AMBRA1: variants seen among roughly 807,000 people sequenced by gnomAD.
AMBRA1 encodes the protein autophagy and beclin 1 regulator 1, also known as activating molecule in BECN1-regulated autophagy protein 1.
A neutral mutation model predicts 125.4 loss-of-function variants in AMBRA1; 47 were observed. That is an observed-to-expected ratio of 0.37 (90% confidence interval 0.30 to 0.48). The LOEUF (loss-of-function observed/expected upper bound fraction) is 0.48, where lower values mean the gene tolerates loss of function less well. AMBRA1 is among the 20% of genes least tolerant of loss of function. AMBRA1 has a pLI of 0.99. For missense variants in AMBRA1, 1,331 were observed against 1,693.4 expected (o/e 0.79, Z 3.76); for synonymous variants, 626 against 655.5 (o/e 0.95, Z 0.69).
At chr11:46,538,111 G>T (rs921744132) in intron 7 of AMBRA1, among the ~76,000 whole-genome samples, 4 of 152,188 alleles carry the variant, frequency 2.6e-5, no homozygotes, top group Non-Finnish European at 5.9e-5. Context: ...GCACCTGTTT[G>T]TCTTAGTGAT....
At chr11:46,549,383 C>T (rs1373625536) in intron 1 of AMBRA1, among the ~76,000 whole-genome samples, 4 of 152,148 alleles carry the variant, frequency 2.6e-5, no homozygotes, top group Non-Finnish European at 4.4e-5. Context: ...AATAAACATA[C>T]ACTATTCTCC....
chr11:46,585,684 AAAAAAAAAAAAAT>A (rs2044351520), intron 1 of AMBRA1, among the ~76,000 whole-genome samples: 2 of 62,684 alleles, frequency 3.2e-5, no homozygotes, highest in Non-Finnish European at 6.9e-5. Flanking sequence ...AAAAAAAAAA[AAAAAAAAAAAAAT>A]ATATATATAT....
intron 11 of AMBRA1, among the ~76,000 whole-genome samples, chr11:46,491,671 G>A (rs1460634003): frequency 2.0e-5 from 3 of 152,194 alleles, no homozygotes; most frequent in Admixed American, 6.5e-5. Flanking sequence ...TCTAACTCAA[G>A]AGTGAGGTTC....
chr11:46,483,020 G>GA (rs374623134), intron 11 of AMBRA1, among the ~76,000 whole-genome samples: 20,740 of 133,788 alleles, frequency 0.16, 1,524 homozygotes, highest in Non-Finnish European at 0.18. Context: ...AAAAAAAAAA[G>GA]AAAAAAAAAA....
rs558423883 is a variant in AMBRA1, at chr11:46,428,886, T to C, written c.2976+4588A>G. ...CTACGGCGTAGGATGGCAGGCACAA[T>C]CTCTGGGGGCAGATGAAGGTAATCA... On this transcript the variant is annotated intron_variant, in intron 14 of 17. Transcript: ENST00000683756. 4.2e-3 allele frequency: 6,850 copies of C among 1,611,800 alleles called. 60 individuals are homozygous for C. The highest frequency in any genetic ancestry group is 0.016 in the South Asian group (1,474 of 90,996).
chr11:46,510,418 T>C (rs998155431), intron 8 of AMBRA1, among the ~76,000 whole-genome samples: 4 of 152,206 alleles, frequency 2.6e-5, no homozygotes, highest in Non-Finnish European at 4.4e-5. Context: ...TCAAGCATCA[T>C]TGGTTAAATT....
intron 17 of AMBRA1, among the ~76,000 whole-genome samples, chr11:46,400,412 A>AAG (rs979184050): frequency 2.7e-5 from 4 of 148,240 alleles, no homozygotes; most frequent in African/African-American, 7.5e-5. Context: ...CTAAGGCCCC[A>AAG]AGAGATCTCT....
intron 14 of AMBRA1, among the ~76,000 whole-genome samples, chr11:46,421,969 GTTTC>G (rs1169141009): frequency 2.6e-5 from 4 of 152,114 alleles, no homozygotes; most frequent in African/African-American, 7.2e-5. Context: ...TCAAGTAAAG[GTTTC>G]TTTAATACTA....
chr11:46,548,551 T>TG, intron 1 of AMBRA1, 51 bp from the exon 2 acceptor site: 1 of 714,162 alleles, frequency 1.4e-6, no homozygotes, highest in Non-Finnish European at 2.2e-6. Context: ...ACGAGAAGCT[T>TG]CTAATTGCAA....
intron 7 of AMBRA1, among the ~76,000 whole-genome samples, chr11:46,520,027 T>C (rs905893486): frequency 6.6e-6 from 1 of 151,620 alleles, no homozygotes; most frequent in Non-Finnish European, 1.5e-5. Context: ...TAATCCCAGC[T>C]ACTCAGGTGG....
chr11:46,490,532 T>C (rs548774968), intron 11 of AMBRA1, among the ~76,000 whole-genome samples: 117 of 152,300 alleles, frequency 7.7e-4, no homozygotes, highest in Non-Finnish European at 1.1e-3. Flanking sequence ...GATCTTGATT[T>C]TCCGCAAACC....
At chr11:46,433,668 T>C (rs1426121651) in intron 13 of AMBRA1, 40 bp from the exon 14 acceptor site, 1 of 1,594,876 alleles carries the variant, frequency 6.3e-7, no homozygotes, top group Non-Finnish European at 8.6e-7. Context: ...CCTAGGCTTC[T>C]GGCCATTCCA....
chr11:46,509,566 T>C (rs1951183216), intron 8 of AMBRA1, among the ~76,000 whole-genome samples: 3 of 152,036 alleles, frequency 2.0e-5, no homozygotes, highest in Admixed American at 1.3e-4. Flanking sequence ...CAGCAACAAA[T>C]TAAATAAATT....
At chr11:46,496,176 C>A (rs1468478984) in intron 9 of AMBRA1, among the ~76,000 whole-genome samples, 1 of 151,980 alleles carries the variant, frequency 6.6e-6, no homozygotes, top group Non-Finnish European at 1.5e-5. Context: ...GAGTTCGAGA[C>A]CAGCCTGGCC....
intron 9 of AMBRA1, among the ~76,000 whole-genome samples, chr11:46,499,363 C>G (rs1030884100): frequency 6.6e-6 from 1 of 152,170 alleles, no homozygotes; most frequent in Non-Finnish European, 1.5e-5. Context: ...GTTCCATTTT[C>G]TTTCTCTTCT....
chr11:46,501,230 G>A (rs1279527826), intron 9 of AMBRA1, among the ~76,000 whole-genome samples: 1 of 152,236 alleles, frequency 6.6e-6, no homozygotes, highest in African/African-American at 2.4e-5. Flanking sequence ...CACTGTCTGA[G>A]TTTGCACACT....
At position 46,581,797 on chromosome 11, in the gene AMBRA1, C is replaced by CAA. The variant is rs1162857231; in HGVS notation, c.-121+12029_-121+12030dup. Reference sequence around the variant, plus strand: ...CCTGGGCTACAGAGCAAAACTCCATCAAAAAAAAAAAAAAAAAAAAAAAAT... The same window carrying CAA: ...CCTGGGCTACAGAGCAAAACTCCATCAAAAAAAAAAAAAAAAAAAAAAAAAAT... On this transcript the variant is annotated intron_variant, in intron 1 of 17. Transcript: ENST00000683756. 7.5e-3 allele frequency among the ~76,000 whole-genome samples: 521 copies of CAA among 69,892 alleles called. 3 individuals carry two copies. The highest frequency in any genetic ancestry group is 0.012 in the Non-Finnish European group (413 of 34,500). 45.9% of individuals were successfully genotyped at this position (69,892 alleles called of 152,430 possible). A position where few individuals can be genotyped will look rare whatever the true frequency, so the allele number is the denominator to read the frequency against.
chr11:46,525,231 G>A (rs552837762), intron 7 of AMBRA1, among the ~76,000 whole-genome samples: 1 of 152,178 alleles, frequency 6.6e-6, no homozygotes, highest in Admixed American at 6.5e-5. Flanking sequence ...GGCCATGGAC[G>A]TTGAGGCTGC....
At chr11:46,543,487 A>G in intron 6 of AMBRA1, 89 bp from the exon 7 acceptor site, 1 of 1,504,876 alleles carries the variant, frequency 6.6e-7, no homozygotes, top group Admixed American at 2.2e-5. Context: ...ACCACTGACA[A>G]TCATCCAAGG....
Sources: allele counts gnomAD v4.1 joint callset (sites outside exome capture counted in the v4.1 genomes callset), GRCh38; gene constraint gnomAD v4.1.1; transcripts MANE v1.5; gene names NCBI Gene and HGNC (gene_info 2026-07-23, HGNC 2026-07-21).